Variants in ARNT observed in about 807,000 individuals in gnomAD.
ARNT encodes aryl hydrocarbon receptor nuclear translocator.
In ARNT, 30 loss-of-function variants were observed where a neutral mutation model predicts 105.0. The observed-to-expected ratio is 0.29, with a 90% CI of 0.21 to 0.39. ARNT has a LOEUF of 0.39. Among genes scored for constraint, ARNT ranks in the 10% least tolerant of loss-of-function variants. The probability of loss-of-function intolerance (pLI) is 1.00; values close to 1 mark genes in which losing one functional copy is unlikely to be tolerated. For missense variants in ARNT, 748 were observed against 978.7 expected (o/e 0.76, Z 3.15); for synonymous variants, 304 against 344.0 (o/e 0.88, Z 1.29).
chr1:150,819,864 CTA>C (rs1296973817), intron 14 of ARNT, among the ~76,000 whole-genome samples: 1 of 152,050 alleles, frequency 6.6e-6, no homozygotes, highest in African/African-American at 2.4e-5. Flanking sequence ...AGTTACATAA[CTA>C]TGTGATATAC....
At chr1:150,835,851 A>T (rs1490782160) in intron 7 of ARNT, among the ~76,000 whole-genome samples, 1 of 152,144 alleles carries the variant, frequency 6.6e-6, no homozygotes, top group Non-Finnish European at 1.5e-5. Flanking sequence ...ACAACAGAAA[A>T]CACCTTATAC....
At chr1:150,866,252 G>C (rs1666569565) in intron 1 of ARNT, among the ~76,000 whole-genome samples, 1 of 124,828 alleles carries the variant, frequency 8.0e-6, no homozygotes, top group Non-Finnish European at 1.7e-5. Flanking sequence ...CAAAATGCTG[G>C]GATTACAGGC....
chr1:150,828,019 TG>T (rs1304944223), intron 12 of ARNT, among the ~76,000 whole-genome samples: 2 of 152,208 alleles, frequency 1.3e-5, no homozygotes, highest in South Asian at 2.1e-4. Context: ...CTTAATGAGT[TG>T]TTTATATATT....
chr1:150,820,586 G>A (rs1021753779), intron 14 of ARNT, among the ~76,000 whole-genome samples: 3 of 152,136 alleles, frequency 2.0e-5, no homozygotes, highest in Non-Finnish European at 4.4e-5. Context: ...GAGCCTGGGA[G>A]GTTCAAGCTG....
chr1:150,870,425 G>A (rs1461880849), intron 1 of ARNT, among the ~76,000 whole-genome samples: 1 of 152,116 alleles, frequency 6.6e-6, no homozygotes, highest in Non-Finnish European at 1.5e-5. Context: ...GGCACCCACT[G>A]TAAGCACTGC....
intron 1 of ARNT, among the ~76,000 whole-genome samples, chr1:150,860,179 G>C (rs1665358986): frequency 6.8e-6 from 1 of 146,182 alleles, no homozygotes; most frequent in Non-Finnish European, 1.5e-5. Context: ...ACTACCAACA[G>C]AGTGAAAAGG....
At chr1:150,816,717 A>C in intron 18 of ARNT, 71 bp downstream of exon 18, 1 of 1,441,870 alleles carries the variant, frequency 6.9e-7, no homozygotes. Flanking sequence ...AAGCAAGGGA[A>C]GAATAAAATT....
Position 150,812,132 on chromosome 1 carries a change from G to C in ARNT, c.2281-22C>G, listed in dbSNP as rs372659212. 55 of 1,536,964 alleles carry C rather than the reference G, an allele frequency of 3.6e-5. No homozygotes were observed. The African/African-American group carries it at 5.8e-4, about 16-fold the overall frequency. On this transcript the variant is annotated intron_variant, in intron 21 of 21. Transcript: ENST00000358595. ...TCTCCTGATAAAAGAAAAAGATTAA[G>C]TTTGGGTCACACACCTTGATCTCTT...
rs587613451 is a variant in ARNT, at chr1:150,846,247, C to T, written c.227+16G>A. ...TCATATTATATATTACAATATATTA[C>T]CTACTACAATATTACCTGGCAAACC... is the stretch of plus-strand genomic sequence containing the variant. On this transcript the variant is annotated intron_variant, in intron 4 of 21. Coordinates refer to ENST00000358595, the MANE Select transcript of ARNT (RefSeq NM_001668.4). The T allele has an allele frequency of 6.3e-7, 1 of 1,597,010 alleles. No individual in the cohort carries two copies. Among genetic ancestry groups the T allele is most frequent in the South Asian group, 1.1e-5 (1 of 90,692 alleles).
At chr1:150,871,076 T>A (rs1667346204) in intron 1 of ARNT, among the ~76,000 whole-genome samples, 2 of 151,088 alleles carry the variant, frequency 1.3e-5, no homozygotes, top group East Asian at 2.0e-4. Context: ...ATTTGAAGAG[T>A]TTATGTGAAA....
At chr1:150,839,397 T>G (rs1203517689) in intron 6 of ARNT, 44 bp downstream of exon 6, 2 of 1,598,596 alleles carry the variant, frequency 1.3e-6, no homozygotes, top group South Asian at 1.1e-5. Flanking sequence ...TTCAAGAGAT[T>G]CACCCAGATT....
intron 12 of ARNT, 78 bp downstream of exon 12, chr1:150,829,015 G>T: frequency 6.5e-7 from 1 of 1,534,512 alleles, no homozygotes; most frequent in Non-Finnish European, 8.8e-7. Context: ...TGTTTTGGCT[G>T]TCTTAGGAAC....
chr1:150,842,948 G>A (rs900336720), intron 4 of ARNT, among the ~76,000 whole-genome samples: 15 of 152,194 alleles, frequency 9.9e-5, no homozygotes, highest in African/African-American at 3.6e-4. Context: ...ATTAAAGACA[G>A]AGTACATTAA....
chr1:150,849,569 T>C (rs1381695920), intron 3 of ARNT, among the ~76,000 whole-genome samples: 3 of 152,086 alleles, frequency 2.0e-5, no homozygotes, highest in Non-Finnish European at 2.9e-5. Context: ...GAGGATTGCT[T>C]GAGCACAGGA....
At chr1:150,870,995 G>A (rs373807042) in intron 1 of ARNT, among the ~76,000 whole-genome samples, 6 of 151,638 alleles carry the variant, frequency 4.0e-5, no homozygotes, top group African/African-American at 1.2e-4. Context: ...AGTGAGACCC[G>A]GTCACTATCT....
chr1:150,816,175 T>C (rs978009013), intron 19 of ARNT, 84 bp downstream of exon 19: 6 of 1,499,132 alleles, frequency 4.0e-6, no homozygotes, highest in Non-Finnish European at 5.4e-6. Context: ...GTATTTAAAA[T>C]AGAAAACACT....
chr1:150,850,313 G>A (rs1306918163), intron 3 of ARNT, among the ~76,000 whole-genome samples: 12 of 152,108 alleles, frequency 7.9e-5, no homozygotes, highest in South Asian at 6.2e-4. Flanking sequence ...CTCTTTCCAC[G>A]GTCTCCCTCT....
chr1:150,814,537 T>C (rs1345895609), intron 19 of ARNT, among the ~76,000 whole-genome samples: 1 of 152,190 alleles, frequency 6.6e-6, no homozygotes, highest in Non-Finnish European at 1.5e-5. Context: ...TTCATAACAG[T>C]AAAGTATTAT....
intron 7 of ARNT, 26 bp from the exon 8 acceptor site, chr1:150,834,666 T>C: frequency 1.2e-6 from 2 of 1,605,598 alleles, no homozygotes; most frequent in East Asian, 4.5e-5. Flanking sequence ...AAGAGCAGTC[T>C]GGAGTGCATT....
Sources: gnomAD v4.1 joint callset for allele counts (sites outside exome capture counted in the v4.1 genomes callset) on GRCh38, gnomAD v4.1.1 for gene constraint, MANE v1.5 for transcripts, NCBI Gene and HGNC (gene_info 2026-07-23, HGNC 2026-07-21) for gene names.